The following RHOBTB1 variants were observed in gnomAD, a reference collection of about 807,000 sequenced individuals.
The protein encoded by RHOBTB1 is Rho related BTB domain containing 1.
In RHOBTB1, 40 loss-of-function variants were observed where a neutral mutation model predicts 71.6. The ratio of observed to expected loss-of-function variants is 0.56; its 90% CI spans 0.43 to 0.73. The LOEUF (loss-of-function observed/expected upper bound fraction) is 0.73, where lower values mean the gene tolerates loss of function less well. Ranked by LOEUF, RHOBTB1 falls within the 30% of genes least tolerant of loss-of-function variation. The pLI, the probability that RHOBTB1 is intolerant of heterozygous loss-of-function variation, is 0.00. For synonymous variants in RHOBTB1, 319 were observed against 334.9 expected, an observed-to-expected ratio of 0.95 and a Z score of 0.52; for missense variants, 797 against 894.0, an observed-to-expected ratio of 0.89 and a Z score of 1.38.
At chr10:60,885,026 C>T (rs2081502972) in intron 7 of RHOBTB1, among the ~76,000 whole-genome samples, 1 of 151,976 alleles carries the variant, frequency 6.6e-6, no homozygotes, top group Non-Finnish European at 1.5e-5. Context: ...TCAAGTGTTC[C>T]TCTCACTTCA....
intron 2 of RHOBTB1, among the ~76,000 whole-genome samples, chr10:60,913,523 C>T (rs2083101259): frequency 1.3e-5 from 2 of 152,290 alleles, no homozygotes; most frequent in South Asian, 2.1e-4. Flanking sequence ...ACCCATCTAA[C>T]AGTATAACAT....
At chr10:60,986,726 A>C (rs145266138) in intron 1 of RHOBTB1, among the ~76,000 whole-genome samples, 1 of 152,112 alleles carries the variant, frequency 6.6e-6, no homozygotes, top group African/African-American at 2.4e-5. Context: ...TAAAAACTGA[A>C]GGGCAAAACA....
At chr10:60,877,129 C>T (rs950020171) in intron 8 of RHOBTB1, 10 of 152,296 alleles carry the variant, frequency 6.6e-5, no homozygotes, top group African/African-American at 2.2e-4. Flanking sequence ...CAGAGAAAGG[C>T]ATTTAAGTTC....
chr10:60,990,045 C>T (rs568311446), intron 1 of RHOBTB1, among the ~76,000 whole-genome samples: 13 of 146,616 alleles, frequency 8.9e-5, no homozygotes, highest in South Asian at 6.5e-4. Flanking sequence ...TGCAGTGGCG[C>T]GATCTCGGCT....
intron 2 of RHOBTB1, among the ~76,000 whole-genome samples, chr10:60,974,042 A>T (rs531150101): frequency 2.6e-4 from 39 of 152,194 alleles, no homozygotes; most frequent in African/African-American, 9.1e-4. Flanking sequence ...AAAAATAGTC[A>T]TCAGAATTTT....
chr10:60,866,315 G>T (rs2080635305), downstream of RHOBTB1, among the ~76,000 whole-genome samples: 2 of 152,222 alleles, frequency 1.3e-5, no homozygotes, highest in African/African-American at 4.8e-5. Flanking sequence ...ATTGTAAAAT[G>T]GCTGGATTTC....
chr10:60,892,423 T>C (rs7898439), intron 5 of RHOBTB1, among the ~76,000 whole-genome samples: 2,653 of 152,306 alleles, frequency 0.017, 69 homozygotes, highest in African/African-American at 0.061. Flanking sequence ...GAATCTGATG[T>C]TCTCTGGGGC....
chr10:60,982,173 TA>T (rs2086518449), intron 2 of RHOBTB1, among the ~76,000 whole-genome samples: 1 of 152,238 alleles, frequency 6.6e-6, no homozygotes, highest in Non-Finnish European at 1.5e-5. Context: ...AACTTTGCTA[TA>T]ATCATATCTA....
chr10:60,921,942 C>T (rs2083587775), intron 2 of RHOBTB1, among the ~76,000 whole-genome samples: 1 of 152,106 alleles, frequency 6.6e-6, no homozygotes, highest in Admixed American at 6.6e-5. Flanking sequence ...AAGGCCACAC[C>T]CTTTCACCAA....
chr10:60,895,803 A>T (rs1254445081), intron 4 of RHOBTB1, among the ~76,000 whole-genome samples: 1 of 152,290 alleles, frequency 6.6e-6, no homozygotes, highest in Non-Finnish European at 1.5e-5. Context: ...CATAAAGATT[A>T]CACAGAATTC....
intron 1 of RHOBTB1, among the ~76,000 whole-genome samples, chr10:60,987,919 CTTTTTTTTTTTTTTTTT>C (rs71018937): frequency 3.5e-4 from 19 of 53,684 alleles, no homozygotes; most frequent in South Asian, 1.1e-3. Context: ...AAATACTCAA[CTTTTTTTTTTTTTTTTT>C]TTTTTTTTTT....
In RHOBTB1 at chr10:60,892,818, C is replaced by A; in HGVS notation, c.474G>T (p.Pro158=). ...DLEAVNRARR[P]LARPIKRGDI... Reference sequence around the variant, plus strand: ...TGAGTCCCTTGGCTTACCTTGCTAACGGGCGCCTGGCTCGATTAACAGCTT... The same window carrying A: ...TGAGTCCCTTGGCTTACCTTGCTAAAGGGCGCCTGGCTCGATTAACAGCTT... The change falls in exon 5 of 11, where the codon CCG becomes CCT. Residue 158 remains proline, a synonymous_variant. Transcript: ENST00000337910. The A allele has an allele frequency of 1.2e-6, 2 of 1,611,844 alleles. No homozygotes were observed. Among genetic ancestry groups the A allele is most frequent in the South Asian group, 2.2e-5 (2 of 90,616 alleles).
At position 60,886,145 on chromosome 10, in the gene RHOBTB1, G is replaced by A. The variant is rs752021075; in HGVS notation, c.1542C>T (p.Phe514=). 1.3e-5 allele frequency: 21 copies of A among 1,613,990 alleles called. No homozygotes were observed. The highest frequency in any genetic ancestry group is 6.6e-5 in the South Asian group (6 of 91,076). The change falls in exon 7 of 11, where the codon TTC becomes TTT. Residue 514 remains phenylalanine (F), a synonymous_variant. Coordinates refer to ENST00000337910, the MANE Select transcript of RHOBTB1 (RefSeq NM_014836.5). ...ICSCEWMAAM[F]GGSFVESANS... is the part of the protein sequence containing the mutation. ...TGGCACTTTCCACAAATGACCCCCC[G>A]AACATGGCTGCCATCCACTCACAGC... is the stretch of plus-strand genomic sequence containing the variant.
intron 2 of RHOBTB1, among the ~76,000 whole-genome samples, chr10:60,951,986 A>C (rs537701350): frequency 6.6e-6 from 1 of 152,116 alleles, no homozygotes; most frequent in East Asian, 1.9e-4. Context: ...TGAACCCAGG[A>C]GGTGGAGGTT....
chr10:60,877,776 A>G (rs1042237781), intron 8 of RHOBTB1, 132 bp downstream of exon 8: 11 of 857,014 alleles, frequency 1.3e-5, no homozygotes, highest in South Asian at 3.7e-5. Context: ...ATTAATTCAT[A>G]TCATTCTACA....
chr10:60,981,209 T>C (rs1426168252), intron 2 of RHOBTB1, among the ~76,000 whole-genome samples: 1 of 152,188 alleles, frequency 6.6e-6, no homozygotes, highest in Non-Finnish European at 1.5e-5. Flanking sequence ...ATAGTTATCA[T>C]TCTTTACAAT....
upstream of RHOBTB1, among the ~76,000 whole-genome samples, chr10:60,944,913 C>T (rs2085156492): frequency 6.6e-6 from 1 of 152,186 alleles, no homozygotes; most frequent in Non-Finnish European, 1.5e-5. Flanking sequence ...TGATTTATAA[C>T]CTCCTGCAAA....
chr10:60,873,982 C>G (rs978551702), intron 9 of RHOBTB1, among the ~76,000 whole-genome samples: 7 of 152,188 alleles, frequency 4.6e-5, no homozygotes, highest in Admixed American at 3.3e-4. Flanking sequence ...GCCTTTTCCC[C>G]CTTTTGCACC....
At chr10:60,937,227 A>C (rs1479690943) in intron 2 of RHOBTB1, among the ~76,000 whole-genome samples, 1 of 152,196 alleles carries the variant, frequency 6.6e-6, no homozygotes, top group African/African-American at 2.4e-5. Flanking sequence ...TGCACAAAAC[A>C]CTTCCCAGTG....
Sources: gnomAD v4.1 joint callset for allele counts (sites outside exome capture counted in the v4.1 genomes callset) on GRCh38, gnomAD v4.1.1 for gene constraint, MANE v1.5 for transcripts, NCBI Gene and HGNC (gene_info 2026-07-23, HGNC 2026-07-21) for gene names.